The following BRIP1 variants were observed in gnomAD, a reference collection of about 807,000 sequenced individuals.
BRIP1 encodes BRCA1 interacting DNA helicase 1.
In BRIP1, 88 loss-of-function variants were observed where a neutral mutation model predicts 119.7. That is an observed-to-expected ratio of 0.74 (90% CI 0.62 to 0.88). The LOEUF is 0.88. Ranked by LOEUF, BRIP1 falls within the 40% of genes least tolerant of loss-of-function variation. The pLI, the probability that BRIP1 is intolerant of heterozygous loss-of-function variation, is 0.00. For synonymous variants in BRIP1, 443 were observed against 496.5 expected, an observed-to-expected ratio of 0.89 and a Z score of 1.43; for missense variants, 1,259 against 1,455.4, an observed-to-expected ratio of 0.87 and a Z score of 2.20.
At position 61,744,332 on chromosome 17, in the gene BRIP1, C is replaced by T; in HGVS notation, c.2257+100G>A. On this transcript the variant is annotated intron_variant, in intron 15 of 19. Transcript: ENST00000259008. This position sits in a 1 kb window ranked among gnomAD's most constrained non-coding sequence, Gnocchi z 5.0. ...TTTCACTCAGGATTATAATTTTTCTCTTAAGTGTAATTCATCTAAAAATAT... is the reference window on the plus strand; with the variant it reads ...TTTCACTCAGGATTATAATTTTTCTTTTAAGTGTAATTCATCTAAAAATAT... 2 of 1,297,346 alleles carry T rather than the reference C, an allele frequency of 1.5e-6. No individual in the cohort carries two copies. The highest frequency in any genetic ancestry group is 2.2e-6 in the Non-Finnish European group (2 of 924,596). 80.4% of individuals were successfully genotyped at this position (1,297,346 alleles called of 1,614,324 possible). A position where few individuals can be genotyped will look rare whatever the true frequency, so the allele number is the denominator to read the frequency against.
In BRIP1 at chr17:61,827,228, T is replaced by C. The variant is rs535585553; in HGVS notation, c.628-18471A>G. ...AAGTAGGAGCTAAATCATGAGAACA[T>C]ATGGAAACATAAAGGGGAAAAACAC... On this transcript the variant is annotated intron_variant, in intron 6 of 19. Coordinates refer to ENST00000259008, the MANE Select transcript of BRIP1 (RefSeq NM_032043.3). This position sits in a 1 kb window ranked among gnomAD's most constrained non-coding sequence, Gnocchi z 5.8. Among the ~76,000 whole-genome samples the C allele has an allele frequency of 1.9e-4, 29 of 152,114 alleles. No individual in the cohort carries two copies. In the South Asian group the frequency reaches 5.0e-3, roughly 26 times the overall value.
rs202123733 is a variant in BRIP1, at chr17:61,683,257, T to A, written c.*39A>T. On this transcript the variant is annotated 3_prime_UTR_variant, in exon 20 of 20. Transcript: ENST00000259008. The surrounding 1 kb of genome is among the most constrained non-coding windows in gnomAD (Gnocchi z 4.7). ...CTTACAACAGAGTTTAACATAAGCA[T>A]GATGACATATTTTTACTTAGCTTGA... 6.3e-7 allele frequency: 1 copy of A among 1,576,466 alleles called. No individual in the cohort carries two copies. The highest frequency in any genetic ancestry group is 2.2e-5 in the East Asian group (1 of 44,566).
intron 6 of BRIP1, among the ~76,000 whole-genome samples, chr17:61,835,280 C>CA: frequency 6.6e-6 from 1 of 152,012 alleles, no homozygotes; most frequent in South Asian, 2.1e-4. Flanking sequence ...TACTTTCTAA[C>CA]AGAGAGTTTG....
chr17:61,804,950 CTTTCTG>C lies in BRIP1; in HGVS notation c.919-3482_919-3477del, dbSNP rs1388171874. Reference sequence around the variant, plus strand: ...CCAAGGCAGGATGAAATGTCTCTCTCTTTCTGTGTGTGTGTGTGTGTGTGTGTGTGT... The same window carrying C: ...CCAAGGCAGGATGAAATGTCTCTCTCTGTGTGTGTGTGTGTGTGTGTGTGT... On this transcript the variant is annotated intron_variant, in intron 7 of 19. Transcript: ENST00000259008. The surrounding 1 kb of genome is among the most constrained non-coding windows in gnomAD (Gnocchi z 4.5). Among the ~76,000 whole-genome samples the C allele has an allele frequency of 8.4e-6, 1 of 118,726 alleles. No individual in the cohort carries two copies. The highest frequency in any genetic ancestry group is 1.7e-5 in the Non-Finnish European group (1 of 58,352). 77.9% of individuals were successfully genotyped at this position (118,726 alleles called of 152,430 possible).
In BRIP1 at chr17:61,815,061, T is replaced by C. The variant is rs1477243478; in HGVS notation, c.628-6304A>G. On this transcript the variant is annotated intron_variant, in intron 6 of 19. Transcript: ENST00000259008. This position sits in a 1 kb window ranked among gnomAD's most constrained non-coding sequence, Gnocchi z 4.1. The stretch of plus-strand genomic sequence containing the variant: ...GAATCAAGACTATGGAAGATAATCT[T>C]AAAAGCTAACAATTGTCATGAAAAA... 6.6e-6 allele frequency among the ~76,000 whole-genome samples: 1 copy of C among 150,594 alleles called. No individual in the cohort carries two copies. The highest frequency in any genetic ancestry group is 1.5e-5 in the Non-Finnish European group (1 of 67,620).
rs557519558 is a variant in BRIP1 at position 61,819,381 on chromosome 17, T to C, written c.628-10624A>G. Among the ~76,000 whole-genome samples the C allele has an allele frequency of 2.6e-5, 4 of 152,268 alleles. No individual in the cohort carries two copies. In the South Asian group the frequency reaches 8.3e-4, roughly 32 times the overall value. On this transcript the variant is annotated intron_variant, in intron 6 of 19. Transcript: ENST00000259008. The stretch of plus-strand genomic sequence containing the variant: ...GATCCAGCAATCCCACTGCTAGGTG[T>C]ATATCCAAAAGAAAGAAAATCAGTA...
chr17:61,730,679 A>G lies in BRIP1; in HGVS notation c.2379+12334T>C, dbSNP rs2076832559. Among the ~76,000 whole-genome samples, 2 of 152,180 alleles carry G rather than the reference A, an allele frequency of 1.3e-5. No individual in the cohort carries two copies. The highest frequency in any genetic ancestry group is 4.8e-5 in the African/African-American group (2 of 41,452). ...TTAATTATCCAGAGAAACTTCCAGC[A>G]ATATTTTCAGGCATGGCTTTATGTA... On this transcript the variant is annotated intron_variant, in intron 16 of 19. Transcript: ENST00000259008. The surrounding 1 kb of genome is among the most constrained non-coding windows in gnomAD (Gnocchi z 4.3).
At position 61,724,303 on chromosome 17, in the gene BRIP1, T is replaced by G. The variant is rs530661737; in HGVS notation, c.2380-8240A>C. 2.6e-5 allele frequency among the ~76,000 whole-genome samples: 4 copies of G among 152,194 alleles called. No homozygotes were observed. In the South Asian group the frequency reaches 8.3e-4, roughly 32 times the overall value. On this transcript the variant is annotated intron_variant, in intron 16 of 19. Coordinates refer to ENST00000259008, the MANE Select transcript of BRIP1 (RefSeq NM_032043.3). This position sits in a 1 kb window ranked among gnomAD's most constrained non-coding sequence, Gnocchi z 5.1. ...CCATTATATCATAATGTACTTGAGA[T>G]TGAACAGAAAGTTTCTTAAGTTCTC...
At chr17:61,784,811 T>G (rs2077681229) in intron 10 of BRIP1, among the ~76,000 whole-genome samples, 1 of 152,152 alleles carries the variant, frequency 6.6e-6, no homozygotes. Flanking sequence ...CCCTTCACCT[T>G]TTGCCATCAG....
intron 6 of BRIP1, among the ~76,000 whole-genome samples, chr17:61,836,532 C>T (rs2078577168): frequency 6.6e-6 from 1 of 152,136 alleles, no homozygotes; most frequent in South Asian, 2.1e-4. Flanking sequence ...GTGAATCATA[C>T]ATCTACTTAA....
chr17:61,791,919 TAGAA>T (rs2077824266), intron 10 of BRIP1, among the ~76,000 whole-genome samples: 3 of 152,204 alleles, frequency 2.0e-5, no homozygotes, highest in South Asian at 2.1e-4. Flanking sequence ...ATAAGCCTGA[TAGAA>T]AGACAAATAC....
chr17:61,765,840 C>CACAT (rs1555598358), intron 14 of BRIP1, among the ~76,000 whole-genome samples: 1 of 151,286 alleles, frequency 6.6e-6, no homozygotes, highest in Non-Finnish European at 1.5e-5. Context: ...CACACACACA[C>CACAT]ACACACACAC....
At chr17:61,791,488 C>CAAAAGAAA (rs2077816072) in intron 10 of BRIP1, among the ~76,000 whole-genome samples, 1 of 52,920 alleles carries the variant, frequency 1.9e-5, no homozygotes, top group Non-Finnish European at 3.1e-5. Context: ...GACTTCATCT[C>CAAAAGAAA]AAAAAAAAAA....
In BRIP1 at chr17:61,733,843, T is replaced by C. The variant is rs1364596738; in HGVS notation, c.2379+9170A>G. Among the ~76,000 whole-genome samples the C allele has an allele frequency of 2.7e-5, 3 of 109,220 alleles. No homozygotes were observed. The East Asian group carries it at 8.4e-4, about 30-fold the overall frequency. 71.7% of individuals were successfully genotyped at this position (109,220 alleles called of 152,430 possible). A position where few individuals can be genotyped will look rare whatever the true frequency, so the allele number is the denominator to read the frequency against. ...CCCACAAATATAAAATTTATTAGCA[T>C]GATAAATTATTTTAATCATTGTAAG... is the stretch of plus-strand genomic sequence containing the variant. On this transcript the variant is annotated intron_variant, in intron 16 of 19. Coordinates refer to ENST00000259008, the MANE Select transcript of BRIP1 (RefSeq NM_032043.3).
chr17:61,772,820 GAAAAAAA>G (rs71355193), intron 14 of BRIP1, among the ~76,000 whole-genome samples: 1 of 53,540 alleles, frequency 1.9e-5, no homozygotes, highest in African/African-American at 8.1e-5. Context: ...TTCCATCTCA[GAAAAAAA>G]AAAAAAAAAA....
At chr17:61,781,993 C>A (rs1231458419) in intron 11 of BRIP1, among the ~76,000 whole-genome samples, 2 of 151,316 alleles carry the variant, frequency 1.3e-5, no homozygotes, top group African/African-American at 2.4e-5. Context: ...ATTCATTTCA[C>A]TCCTAGAGAG....
Position 61,808,751 on chromosome 17 carries a change from CA to C in BRIP1, c.633del (p.Gly212AlafsTer62), listed in dbSNP as rs779466229. 2.5e-6 allele frequency: 4 copies of C among 1,612,564 alleles called. No homozygotes were observed. The highest frequency in any genetic ancestry group is 2.5e-6 in the Non-Finnish European group (3 of 1,179,842). On this transcript the variant is annotated frameshift_variant, in exon 7 of 20. Coordinates refer to ENST00000259008, the MANE Select transcript of BRIP1 (RefSeq NM_032043.3). LOFTEE classifies it high-confidence loss of function. The surrounding 1 kb of genome is among the most constrained non-coding windows in gnomAD (Gnocchi z 4.1). ...KINSFSPQKP[P>X]GHCSRCCCST... ...GAACAACAGCACCTAGAACAGTGGC[CA>C]GGGGGCTGTAAGAAAGGAAAGAAAC... is the stretch of plus-strand genomic sequence containing the variant.
rs2061858942 is a variant in BRIP1, at chr17:61,716,143, T to C, written c.2380-80A>G. On this transcript the variant is annotated intron_variant, in intron 16 of 19. Transcript: ENST00000259008. ...AACATCATATTAACTTCTAACAGTT[T>C]GAATATACATATTTTTAGGGTAGAG... 4.7e-6 allele frequency: 4 copies of C among 858,290 alleles called. No individual in the cohort carries two copies. The South Asian group carries it at 7.7e-5, about 17-fold the overall frequency. The allele number at this position is 858,290 out of a possible 1,614,324, so 53.2% of individuals were successfully genotyped here. A position where few individuals can be genotyped will look rare whatever the true frequency, so the allele number is the denominator to read the frequency against.
rs1252758895 is a variant in BRIP1 at position 61,815,062 on chromosome 17, A to T, written c.628-6305T>A. Among the ~76,000 whole-genome samples the T allele has an allele frequency of 6.6e-6, 1 of 151,690 alleles. No homozygotes were observed. Among genetic ancestry groups the T allele is most frequent in the Non-Finnish European group, 1.5e-5 (1 of 67,850 alleles). On this transcript the variant is annotated intron_variant, in intron 6 of 19. Coordinates refer to ENST00000259008, the MANE Select transcript of BRIP1 (RefSeq NM_032043.3). This position sits in a 1 kb window ranked among gnomAD's most constrained non-coding sequence, Gnocchi z 4.1. ...AATCAAGACTATGGAAGATAATCTTAAAAGCTAACAATTGTCATGAAAAAC... is the reference window on the plus strand; with the variant it reads ...AATCAAGACTATGGAAGATAATCTTTAAAGCTAACAATTGTCATGAAAAAC...
Sources: gnomAD v4.1 joint callset for allele counts (sites outside exome capture counted in the v4.1 genomes callset) on GRCh38, gnomAD v4.1.1 for gene constraint, Gnocchi (gnomAD v3.1) non-coding constraint, MANE v1.5 for transcripts, NCBI Gene and HGNC (gene_info 2026-07-23, HGNC 2026-07-21) for gene names.